SPAG16: variants seen among roughly 807,000 people sequenced by gnomAD.
The protein encoded by SPAG16 is sperm-associated antigen 16 protein.
SPAG16 carries 86 observed loss-of-function variants against 80.4 expected under a neutral mutation model. That is an observed-to-expected ratio of 1.07 (90% CI 0.90 to 1.28). The LOEUF (loss-of-function observed/expected upper bound fraction) is 1.28. Among genes scored for constraint, SPAG16 ranks in the 50% most tolerant of loss-of-function variants. The pLI is 0.00. For synonymous variants in SPAG16, 294 were observed against 265.9 expected (o/e 1.11, Z -1.03); for missense variants, 870 against 765.3 (o/e 1.14, Z -1.61).
intron 11 of SPAG16, among the ~76,000 whole-genome samples, chr2:213,920,783 T>G (rs780543010): frequency 6.6e-6 from 1 of 152,218 alleles, no homozygotes; most frequent in Non-Finnish European, 1.5e-5. Context: ...TGTGGTAGCA[T>G]GTCGAGCCTA....
chr2:214,346,502 C>G (rs1698063408), intron 15 of SPAG16, among the ~76,000 whole-genome samples: 1 of 152,228 alleles, frequency 6.6e-6, no homozygotes, highest in Middle Eastern at 3.4e-3. Flanking sequence ...GTCCCCTCCT[C>G]TTTTCTTTGG....
intron 10 of SPAG16, among the ~76,000 whole-genome samples, chr2:213,714,010 T>C (rs1020019121): frequency 6.6e-6 from 1 of 152,194 alleles, no homozygotes; most frequent in African/African-American, 2.4e-5. Flanking sequence ...AAGGATGTTA[T>C]GGGAACACAG....
At chr2:213,356,255 G>A (rs113578202) in intron 7 of SPAG16, among the ~76,000 whole-genome samples, 1,982 of 152,244 alleles carry the variant, frequency 0.013, 42 homozygotes, top group African/African-American at 0.044. Flanking sequence ...GATGATGCTG[G>A]CCTCATAAAA....
intron 10 of SPAG16, among the ~76,000 whole-genome samples, chr2:213,743,302 T>G (rs2067669553): frequency 6.6e-6 from 1 of 152,252 alleles, no homozygotes; most frequent in Non-Finnish European, 1.5e-5. Flanking sequence ...GATTTTTTCC[T>G]AGTGCTTAGA....
chr2:214,296,480 T>A (rs1449628969), intron 15 of SPAG16, among the ~76,000 whole-genome samples: 1 of 152,190 alleles, frequency 6.6e-6, no homozygotes, highest in Non-Finnish European at 1.5e-5. Context: ...CTGTTTTCCA[T>A]AGAGGTTTTA....
Position 214,315,504 on chromosome 2 carries a change from TA to T in SPAG16, c.1721-94635del, listed in dbSNP as rs1559206312. Among the ~76,000 whole-genome samples, 25 of 27,372 alleles carry T rather than the reference TA, an allele frequency of 9.1e-4. No homozygotes were observed. The African/African-American group carries it at 9.9e-3, about 11-fold the overall frequency. The allele number at this position is 27,372 out of a possible 152,430, so 18.0% of individuals were successfully genotyped here. On this transcript the variant is annotated intron_variant, in intron 15 of 15. Transcript: ENST00000331683. ...TTCCCCCCTCCAGCCCCATCTTTTTTATTTATTTATTTATTTATTTATTTAT... is the reference window on the plus strand; with the variant it reads ...TTCCCCCCTCCAGCCCCATCTTTTTTTTTATTTATTTATTTATTTATTTAT...
At chr2:213,555,349 C>T (rs1328699319) in intron 10 of SPAG16, among the ~76,000 whole-genome samples, 9 of 152,220 alleles carry the variant, frequency 5.9e-5, no homozygotes, top group Non-Finnish European at 1.0e-4. Flanking sequence ...GGGCAGCTTC[C>T]GACACACTGT....
chr2:213,764,965 T>C (rs2068854037), intron 10 of SPAG16, among the ~76,000 whole-genome samples: 1 of 152,208 alleles, frequency 6.6e-6, no homozygotes, highest in African/African-American at 2.4e-5. Context: ...GAGTCAGTGC[T>C]CTTCTGTCAC....
intron 15 of SPAG16, among the ~76,000 whole-genome samples, chr2:214,332,164 A>G (rs1696961785): frequency 6.6e-6 from 1 of 152,200 alleles, no homozygotes; most frequent in African/African-American, 2.4e-5. Flanking sequence ...AAGCACAAGA[A>G]TCACTTGAAC....
At chr2:213,395,914 T>C (rs2068007328) in intron 9 of SPAG16, among the ~76,000 whole-genome samples, 3 of 152,222 alleles carry the variant, frequency 2.0e-5, no homozygotes, top group African/African-American at 7.2e-5. Context: ...CTTTGTTTTA[T>C]TCAGATAATT....
chr2:214,277,083 T>C lies in SPAG16; in HGVS notation c.1720+127817T>C, dbSNP rs56840095. ...CTTTCTTCCACTTGATCGAATCGGC[T>C]ACTGAAGCTTGTGCATGTGTCACGT... On this transcript the variant is annotated intron_variant, in intron 15 of 15. Transcript: ENST00000331683. Among the ~76,000 whole-genome samples the C allele has an allele frequency of 7.7e-4, 117 of 152,332 alleles. 1 individual carries two copies. The highest frequency in any genetic ancestry group is 2.6e-3 in the African/African-American group (107 of 41,574).
intron 15 of SPAG16, among the ~76,000 whole-genome samples, chr2:214,233,994 C>T (rs1436750451): frequency 6.6e-6 from 1 of 151,878 alleles, no homozygotes; most frequent in African/African-American, 2.4e-5. Context: ...GATATTAAGC[C>T]CAGCATCCAT....
intron 13 of SPAG16, among the ~76,000 whole-genome samples, chr2:214,031,198 A>G (rs1214469026): frequency 6.6e-6 from 1 of 151,820 alleles, no homozygotes; most frequent in Non-Finnish European, 1.5e-5. Context: ...TAGAGGTCCA[A>G]CCATGATAGA....
chr2:213,634,937 C>CATATATATATATATATATATATATATAT (rs139895364), intron 10 of SPAG16, among the ~76,000 whole-genome samples: 18 of 150,934 alleles, frequency 1.2e-4, no homozygotes, highest in African/African-American at 4.1e-4. Flanking sequence ...TTATTTCACT[C>CATATATATATATATATATATATATATAT]ATATATATAT....
chr2:213,911,067 A>T (rs903030700), intron 11 of SPAG16, among the ~76,000 whole-genome samples: 5 of 151,174 alleles, frequency 3.3e-5, no homozygotes, highest in Admixed American at 6.6e-5. Flanking sequence ...ACATTTCTTT[A>T]AAAAAAAAGT....
intron 12 of SPAG16, among the ~76,000 whole-genome samples, chr2:213,954,991 T>C (rs2044046437): frequency 6.6e-6 from 1 of 152,172 alleles, no homozygotes. Flanking sequence ...CATTGCCCAT[T>C]TTAAATTCAT....
At chr2:214,104,463 GT>G (rs1323040866) in intron 13 of SPAG16, among the ~76,000 whole-genome samples, 2 of 152,096 alleles carry the variant, frequency 1.3e-5, no homozygotes, top group Non-Finnish European at 1.5e-5. Flanking sequence ...GTCAGGGTCT[GT>G]AGGATGATGG....
chr2:213,978,944 C>T (rs2045555142), intron 12 of SPAG16, among the ~76,000 whole-genome samples: 1 of 151,764 alleles, frequency 6.6e-6, no homozygotes, highest in East Asian at 1.9e-4. Context: ...GGGGAGCTGG[C>T]TTTCCTCGGG....
chr2:213,288,957 G>A (rs540319530), intron 1 of SPAG16, among the ~76,000 whole-genome samples: 60 of 152,252 alleles, frequency 3.9e-4, no homozygotes, highest in African/African-American at 1.4e-3. Flanking sequence ...TAAGAACTAT[G>A]TTACTAAATC....
Sources: gnomAD v4.1 joint callset for allele counts (sites outside exome capture counted in the v4.1 genomes callset) on GRCh38, gnomAD v4.1.1 for gene constraint, MANE v1.5 for transcripts, NCBI Gene and HGNC (gene_info 2026-07-23, HGNC 2026-07-21) for gene names.